TTN: variants seen among roughly 807,000 people sequenced by gnomAD.
TTN encodes the protein connectin.
A neutral mutation model predicts 3,223.0 loss-of-function variants in TTN; 1,525 were observed. The observed-to-expected ratio is 0.47, with a 90% CI of 0.45 to 0.49. TTN has a LOEUF of 0.49. Among genes scored for constraint, TTN ranks in the 20% least tolerant of loss-of-function variants. TTN has a pLI of 0.00. For missense variants in TTN, 40,786 were observed against 43,424.0 expected (o/e 0.94, Z 5.40); for synonymous variants, 14,094 against 15,161.0 (o/e 0.93, Z 5.17).
At position 178,547,934 on chromosome 2, in the gene TTN, C is replaced by T. The variant is rs1060500565; in HGVS notation, c.93692G>A (p.Ser31231Asn). The T allele has an allele frequency of 6.2e-7, 1 of 1,613,808 alleles. No homozygotes were observed. The highest frequency in any genetic ancestry group is 1.1e-5 in the South Asian group (1 of 91,082). ...TNQLITCKAG[S>N]PFTIDVPISG... ...GATTGGTACGTCAATGGTAAATGGG[C>T]TTCCTGCTTTGCAAGTTATAAGCTG... Residue 31231 changes from serine (S) to asparagine (N), a missense_variant, in exon 339 of 363, where the codon AGC becomes AAC. Coordinates refer to ENST00000589042, the MANE Select transcript of TTN (RefSeq NM_001267550.2).
Position 178,588,213 on chromosome 2 carries a change from G to A in TTN, c.63194C>T (p.Pro21065Leu). 6.4e-7 allele frequency: 1 copy of A among 1,566,134 alleles called. No homozygotes were observed. The highest frequency in any genetic ancestry group is 8.7e-7 in the Non-Finnish European group (1 of 1,153,224). The change falls in exon 305 of 363, where the codon CCT becomes CTT. Residue 21065 changes from proline (P) to leucine (L), a missense_variant. Coordinates refer to ENST00000589042, the MANE Select transcript of TTN (RefSeq NM_001267550.2). ...PVVAKDPIEP[P>L]GPPTNFRVVD... ...CACTCTGAAATTGGTTGGTGGACCA[G>A]GTGGCTCTGAAAGTAAAATATACAT...
In TTN at chr2:178,735,775, T is replaced by G. The variant is rs1304712343; in HGVS notation, c.14671A>C (p.Ile4891Leu). ...GACTGCACAGGCTCTAATTCTTTAATGAAATGTGGCTTATCAATGATGATC... is the reference window on the plus strand; with the variant it reads ...GACTGCACAGGCTCTAATTCTTTAAGGAAATGTGGCTTATCAATGATGATC... ...ELIIIDKPHF[I>L]KELEPVQSAI... Residue 4891 changes from isoleucine (I) to leucine (L), a missense_variant, in exon 50 of 363, where the codon ATT becomes CTT. Transcript: ENST00000589042. 1 of 1,613,658 alleles carries G rather than the reference T, an allele frequency of 6.2e-7. No individual in the cohort carries two copies. Among genetic ancestry groups the G allele is most frequent in the Non-Finnish European group, 8.5e-7 (1 of 1,179,812 alleles).
In TTN at chr2:178,771,376, C is replaced by T. The variant is rs770388400; in HGVS notation, c.7951G>A (p.Glu2651Lys). The part of the protein sequence containing the change: ...CEVANPDSKG[E>K]WLRDGKHLPL... ...AGGTGTTTGCCATCCCTCAACCATTCGCCTTTGGAATCTGGGTTGGCAACT... is the reference window on the plus strand; with the variant it reads ...AGGTGTTTGCCATCCCTCAACCATTTGCCTTTGGAATCTGGGTTGGCAACT... The change falls in exon 34 of 363, where the codon GAA becomes AAA. Residue 2651 changes from glutamate to lysine, a missense_variant. Glu to Lys is a moderately conservative substitution (Grantham distance 56). Coordinates refer to ENST00000589042, the MANE Select transcript of TTN (RefSeq NM_001267550.2). 1.9e-5 allele frequency: 30 copies of T among 1,613,930 alleles called. No individual in the cohort carries two copies. Among genetic ancestry groups the T allele is most frequent in the Middle Eastern group, 1.6e-4 (1 of 6,082 alleles).
intron 41 of TTN, 85 bp downstream of exon 41, chr2:178,766,296 T>C (rs1253514822): frequency 4.4e-6 from 5 of 1,129,798 alleles, no homozygotes; most frequent in Non-Finnish European, 6.7e-6. Flanking sequence ...AGAAATTTCC[T>C]TCAAGTTACA....
At chr2:178,596,195 T>TC (rs2051571983) in intron 294 of TTN, among the ~76,000 whole-genome samples, 1 of 151,982 alleles carries the variant, frequency 6.6e-6, no homozygotes, top group Non-Finnish European at 1.5e-5. Context: ...TTCACCATGT[T>TC]GGTCAGGCTG....
intron 34 of TTN, 74 bp downstream of exon 34, chr2:178,771,137 A>G: frequency 6.2e-7 from 1 of 1,606,270 alleles, no homozygotes; most frequent in Non-Finnish European, 8.5e-7. Context: ...AAATGGCCAT[A>G]TCGTTTGTCT....
chr2:178,749,844 G>T (rs1229172695), intron 47 of TTN: 1 of 1,612,940 alleles, frequency 6.2e-7, no homozygotes, highest in East Asian at 2.2e-5. Context: ...ACTGGCTGGG[G>T]CTCACCAGAT....
At position 178,574,150 on chromosome 2, in the gene TTN, T is replaced by C. The variant is rs1257102356; in HGVS notation, c.71982A>G (p.Ala23994=). ...TTTTGGCGATCACACGGAATTCATA[T>C]GCAGCATCTTCTGTTAGGCCACTGA... ...FTVSGLTEDA[A]YEFRVIAKNA... Residue 23994 remains alanine (A), a synonymous_variant, in exon 326 of 363, where the codon GCA becomes GCG. Coordinates refer to ENST00000589042, the MANE Select transcript of TTN (RefSeq NM_001267550.2). 4 of 1,613,652 alleles carry C rather than the reference T, an allele frequency of 2.5e-6. No individual in the cohort carries two copies. Among genetic ancestry groups the C allele is most frequent in the Admixed American group, 3.3e-5 (2 of 60,012 alleles).
Position 178,769,760 on chromosome 2 carries a change from T to A in TTN, c.8821A>T (p.Met2941Leu). 6.2e-7 allele frequency: 1 copy of A among 1,614,078 alleles called. No homozygotes were observed. Among genetic ancestry groups the A allele is most frequent in the Non-Finnish European group, 8.5e-7 (1 of 1,179,980 alleles). ...GCCGAGTCCTCTGTGCTGGTGTTCA[T>A]GATGATCAGCTGATGGAGTTTTCCC... ...VQGKLHQLIIMNTSTEDSAEY... is the reference protein window; with the variant it reads ...VQGKLHQLIILNTSTEDSAEY... Residue 2941 changes from methionine (M) to leucine (L), a missense_variant, in exon 37 of 363, where the codon ATG (methionine) becomes TTG (leucine). Met to Leu is a conservative substitution (Grantham distance 15, BLOSUM62 2). Transcript: ENST00000589042.
chr2:178,550,069 G>T lies in TTN; in HGVS notation c.91769C>A (p.Thr30590Asn). 1 of 1,613,816 alleles carries T rather than the reference G, an allele frequency of 6.2e-7. No individual in the cohort carries two copies. Among genetic ancestry groups the T allele is most frequent in the Non-Finnish European group, 8.5e-7 (1 of 1,179,770 alleles). The change falls in exon 337 of 363, where the codon ACT (threonine) becomes AAT (asparagine). Residue 30590 changes from threonine to asparagine, a missense_variant. By Grantham distance (65) the Thr-to-Asn change is moderately conservative. Coordinates refer to ENST00000589042, the MANE Select transcript of TTN (RefSeq NM_001267550.2). Reference sequence around the variant, plus strand: ...TGTGTATACACCACGATGGTCCCGAGTAGCATCTCTAACAAATAGGCTGGT... The same window carrying T: ...TGTGTATACACCACGATGGTCCCGATTAGCATCTCTAACAAATAGGCTGGT... ...GSTSLFVRDA[T>N]RDHRGVYTVE...
chr2:178,771,871 A>G lies in TTN; in HGVS notation c.7856-400T>C, dbSNP rs2091544113. On this transcript the variant is annotated intron_variant, in intron 33 of 362. Coordinates refer to ENST00000589042, the MANE Select transcript of TTN (RefSeq NM_001267550.2). ...ATTTGCTAAACAAAATGTACGAGTC[A>G]TCAATGTTTCTACTACATTGAGGAT... is the stretch of plus-strand genomic sequence containing the variant. 7.2e-5 allele frequency among the ~76,000 whole-genome samples: 11 copies of G among 152,296 alleles called. No individual in the cohort carries two copies. The South Asian group carries it at 8.3e-4, about 11-fold the overall frequency.
chr2:178,686,214 G>A (rs1276663541), intron 127 of TTN, among the ~76,000 whole-genome samples: 3 of 129,964 alleles, frequency 2.3e-5, no homozygotes, highest in East Asian at 4.8e-4. Flanking sequence ...TCCGCCTCCC[G>A]GGTTCACGCC....
chr2:178,767,631 T>G, intron 40 of TTN, 128 bp downstream of exon 40: 1 of 1,361,890 alleles, frequency 7.3e-7, no homozygotes, highest in Non-Finnish European at 1.0e-6. Flanking sequence ...CTAAGCCAAG[T>G]AAGAATGAGC....
chr2:178,751,738 A>G, intron 47 of TTN: 1 of 1,613,268 alleles, frequency 6.2e-7, no homozygotes, highest in South Asian at 1.1e-5. Flanking sequence ...AATCACTCTC[A>G]GCTTTTATAA....
chr2:178,545,798 AT>A, intron 343 of TTN, 21 bp downstream of exon 343: 2 of 1,606,810 alleles, frequency 1.2e-6, no homozygotes, highest in Non-Finnish European at 1.7e-6. Context: ...CTGTCAAATT[AT>A]TTAAAAGTGT....
intron 13 of TTN, among the ~76,000 whole-genome samples, chr2:178,788,386 A>G (rs2093318480): frequency 6.6e-6 from 1 of 152,110 alleles, no homozygotes; most frequent in African/African-American, 2.4e-5. Context: ...ACAAAAGTAA[A>G]AAGTTAATCA....
chr2:178,596,334 C>T (rs1444526961), intron 294 of TTN, among the ~76,000 whole-genome samples: 2 of 151,896 alleles, frequency 1.3e-5, no homozygotes, highest in African/African-American at 4.8e-5. Flanking sequence ...TATTGGTTAC[C>T]ATGGTTTTAG....
At chr2:178,649,480 G>A in intron 212 of TTN, 74 bp downstream of exon 212, 1 of 1,463,604 alleles carries the variant, frequency 6.8e-7, no homozygotes, top group Non-Finnish European at 9.2e-7. Flanking sequence ...ACAACAATGA[G>A]GACAACTTAT....
intron 60 of TTN, 48 bp from the exon 61 acceptor site, chr2:178,730,840 ATTTGTT>A (rs1560791192): frequency 7.8e-6 from 12 of 1,532,810 alleles, no homozygotes; most frequent in Non-Finnish European, 1.0e-5. Context: ...CAATCTACTA[ATTTGTT>A]TTTGTTTTTT....
Sources: gnomAD v4.1 joint callset for allele counts (sites outside exome capture counted in the v4.1 genomes callset) on GRCh38, gnomAD v4.1.1 for gene constraint, MANE v1.5 for transcripts, NCBI Gene and HGNC (gene_info 2026-07-23, HGNC 2026-07-21) for gene names.